Variants in PRELID2 observed in about 807,000 individuals in gnomAD.
The protein encoded by PRELID2 is PRELI domain containing 2, also known as PRELI domain-containing protein 2.
In PRELID2, 25 loss-of-function variants were observed where a neutral mutation model predicts 28.4. The ratio of observed to expected loss-of-function variants is 0.88; its 90% CI spans 0.64 to 1.23. PRELID2 has a LOEUF of 1.23. Ranked by LOEUF, PRELID2 falls within the 50% of genes most tolerant of loss-of-function variation. The pLI, the probability that PRELID2 is intolerant of heterozygous loss-of-function variation, is 0.00. For synonymous variants in PRELID2, 76 were observed against 71.6 expected, an observed-to-expected ratio of 1.06 and a Z score of -0.31; for missense variants, 201 against 214.4, an observed-to-expected ratio of 0.94 and a Z score of 0.39.
intron 1 of PRELID2, among the ~76,000 whole-genome samples, chr5:145,684,899 GA>G (rs1020984201): frequency 2.6e-5 from 4 of 152,236 alleles, no homozygotes; most frequent in Admixed American, 2.6e-4. Flanking sequence ...ACAGCTTTAG[GA>G]AAAACTGAAG....
the PRELID2 span, among the ~76,000 whole-genome samples, chr5:145,424,459 T>C: frequency 2.0e-5 from 3 of 152,150 alleles, no homozygotes; most frequent in African/African-American, 7.2e-5. Flanking sequence ...TTTAAGCCCG[T>C]CGGAAAAGCG....
intron 5 of PRELID2, among the ~76,000 whole-genome samples, chr5:145,789,177 C>T (rs901973256): frequency 2.0e-5 from 3 of 152,116 alleles, no homozygotes; most frequent in African/African-American, 7.2e-5. Flanking sequence ...CCACAAAAGA[C>T]CTCAAATAAC....
At chr5:145,339,732 G>A in the PRELID2 span, among the ~76,000 whole-genome samples, 12 of 152,148 alleles carry the variant, frequency 7.9e-5, no homozygotes, top group East Asian at 1.9e-4. Context: ...TGCACTTCCC[G>A]CAATTATCTG....
At chr5:145,740,872 AAATATATATGTACATATATT>A (rs1756682543) in intron 1 of PRELID2, among the ~76,000 whole-genome samples, 1 of 107,448 alleles carries the variant, frequency 9.3e-6, no homozygotes, top group Non-Finnish European at 1.7e-5. Flanking sequence ...ATTTATCGAT[AAATATATATGTACATATATT>A]TATCGATAAA....
rs1205400423 is a variant in PRELID2, at chr5:145,736,323, T to C, written n.70+28608A>G. Among the ~76,000 whole-genome samples the C allele has an allele frequency of 2.0e-5, 3 of 152,312 alleles. No individual in the cohort carries two copies. In the East Asian group the frequency reaches 5.8e-4, roughly 29 times the overall value. ...TCTTTGCATTTGTCAGCCTGTCTTA[T>C]TTATTCTTCATTGTCAGAATGATGA... On this transcript the variant is annotated intron_variant and non_coding_transcript_variant, in intron 1 of 2. Transcript: ENST00000510259.
rs984427798 is a variant in PRELID2, at chr5:145,791,187, A to G, written c.474+5255T>C. ...ACGTCTTACATGGTGGCAGGCAAGA[A>G]AGCTTGTGCAGGGGAACTCCCATCA... On this transcript the variant is annotated intron_variant, in intron 5 of 6. Transcript: ENST00000683046. 3.3e-5 allele frequency among the ~76,000 whole-genome samples: 5 copies of G among 152,066 alleles called. No individual in the cohort carries two copies. The East Asian group carries it at 9.7e-4, about 29-fold the overall frequency.
chr5:145,359,952 G>C, the PRELID2 span, among the ~76,000 whole-genome samples: 2 of 152,280 alleles, frequency 1.3e-5, no homozygotes, highest in East Asian at 3.9e-4. Flanking sequence ...TGGATTGACC[G>C]TGAGGCATAA....
At chr5:145,827,135 G>A (rs1310294955) in intron 1 of PRELID2, among the ~76,000 whole-genome samples, 4 of 152,194 alleles carry the variant, frequency 2.6e-5, no homozygotes, top group African/African-American at 9.6e-5. Context: ...ACATACCCGT[G>A]TTATAAGCAT....
chr5:145,277,717 T>C, the PRELID2 span, among the ~76,000 whole-genome samples: 2 of 152,132 alleles, frequency 1.3e-5, no homozygotes, highest in African/African-American at 2.4e-5. Context: ...AGAGCTATTT[T>C]ACCCAAGGCC....
the PRELID2 span, among the ~76,000 whole-genome samples, chr5:145,253,187 G>A: frequency 6.6e-6 from 1 of 152,128 alleles, no homozygotes; most frequent in East Asian, 1.9e-4. Context: ...TAAAGGAATT[G>A]TAGGATTCCC....
the PRELID2 span, among the ~76,000 whole-genome samples, chr5:145,243,874 A>G: frequency 0.38 from 58,106 of 151,892 alleles, 11,998 homozygotes; most frequent in African/African-American, 0.52. Flanking sequence ...GAATCATGAA[A>G]GTCTTTGCTA....
At chr5:145,646,083 T>C (rs939991018) in intron 1 of PRELID2, among the ~76,000 whole-genome samples, 1 of 152,194 alleles carries the variant, frequency 6.6e-6, no homozygotes, top group Non-Finnish European at 1.5e-5. Flanking sequence ...TGGCCTGTCT[T>C]GCTAGGTTGG....
At chr5:145,277,825 G>A in the PRELID2 span, among the ~76,000 whole-genome samples, 3 of 152,048 alleles carry the variant, frequency 2.0e-5, no homozygotes, top group Non-Finnish European at 4.4e-5. Flanking sequence ...TTTCCCTTGG[G>A]GTCAGCAGTA....
At chr5:145,417,886 G>C in the PRELID2 span, among the ~76,000 whole-genome samples, 1 of 152,166 alleles carries the variant, frequency 6.6e-6, no homozygotes, top group Non-Finnish European at 1.5e-5. Flanking sequence ...AGTATTGGAA[G>C]TTCTGGACAG....
chr5:145,555,896 C>T (rs1026493297), intron 1 of PRELID2, among the ~76,000 whole-genome samples: 1 of 152,110 alleles, frequency 6.6e-6, no homozygotes, highest in East Asian at 1.9e-4. Flanking sequence ...TACATTAAAA[C>T]TTGTGCTCAG....
chr5:145,430,235 G>A, the PRELID2 span, among the ~76,000 whole-genome samples: 2 of 152,158 alleles, frequency 1.3e-5, no homozygotes. Flanking sequence ...ACAGCAAGAA[G>A]TCAGCTCTTT....
the PRELID2 span, among the ~76,000 whole-genome samples, chr5:145,426,867 C>T: frequency 6.6e-6 from 1 of 152,136 alleles, no homozygotes; most frequent in South Asian, 2.1e-4. Flanking sequence ...GCATTTCTTT[C>T]CTACCCAGGA....
chr5:145,536,101 C>T (rs1363977170), intron 1 of PRELID2, among the ~76,000 whole-genome samples: 2 of 151,852 alleles, frequency 1.3e-5, no homozygotes, highest in Admixed American at 6.6e-5. Flanking sequence ...CAAAACAAAG[C>T]TCTTTAAAAA....
the PRELID2 span, among the ~76,000 whole-genome samples, chr5:145,325,139 A>G: frequency 6.6e-6 from 1 of 152,228 alleles, no homozygotes; most frequent in East Asian, 1.9e-4. Context: ...AAACATGCAC[A>G]AATAGTTTTT....
Sources: gnomAD v4.1 joint callset for allele counts (sites outside exome capture counted in the v4.1 genomes callset) on GRCh38, gnomAD v4.1.1 for gene constraint, MANE v1.5 for transcripts, NCBI Gene and HGNC (gene_info 2026-07-23, HGNC 2026-07-21) for gene names.